Variants in ARHGAP26 observed in about 807,000 individuals in gnomAD.
ARHGAP26 encodes rho GTPase-activating protein 26.
Under a neutral mutation model 104.8 loss-of-function variants are expected in ARHGAP26, and 38 were observed. The ratio of observed to expected loss-of-function variants is 0.36; its 90% CI spans 0.28 to 0.48. The LOEUF is 0.48. ARHGAP26 is among the 20% of genes least tolerant of loss of function. ARHGAP26 has a pLI of 0.99. For synonymous variants in ARHGAP26, 341 were observed against 340.0 expected (o/e 1.00, Z -0.03); for missense variants, 704 against 947.9 (o/e 0.74, Z 3.38).
intron 11 of ARHGAP26, among the ~76,000 whole-genome samples, chr5:142,980,541 A>G (rs1406993701): frequency 6.6e-6 from 1 of 151,918 alleles, no homozygotes; most frequent in African/African-American, 2.4e-5. Context: ...GGTGCCCACC[A>G]CCACACCCAG....
intron 11 of ARHGAP26, among the ~76,000 whole-genome samples, chr5:143,009,835 T>A (rs2152807202): frequency 6.6e-6 from 1 of 152,278 alleles, no homozygotes; most frequent in African/African-American, 2.4e-5. Context: ...GAGCTTAGCT[T>A]CAGTTGGGTT....
intron 1 of ARHGAP26, among the ~76,000 whole-genome samples, chr5:142,836,076 C>T (rs35518380): frequency 0.055 from 8,436 of 152,234 alleles, 308 homozygotes; most frequent in Middle Eastern, 0.12. Context: ...GGAATCTTCA[C>T]GTACATTGAC....
intron 10 of ARHGAP26, among the ~76,000 whole-genome samples, chr5:142,928,020 C>T (rs900549970): frequency 6.6e-6 from 1 of 152,134 alleles, no homozygotes; most frequent in African/African-American, 2.4e-5. Flanking sequence ...TTCTTACTCA[C>T]TTGTAGGCAT....
intron 20 of ARHGAP26, among the ~76,000 whole-genome samples, chr5:143,200,674 T>C (rs1807570141): frequency 6.6e-6 from 1 of 152,234 alleles, no homozygotes; most frequent in Non-Finnish European, 1.5e-5. Flanking sequence ...GTTGTATTTC[T>C]TTTCTTCTTG....
At chr5:142,775,741 A>G (rs1479580527) in intron 1 of ARHGAP26, among the ~76,000 whole-genome samples, 1 of 152,206 alleles carries the variant, frequency 6.6e-6, no homozygotes, top group Non-Finnish European at 1.5e-5. Context: ...TGTCATAAAT[A>G]TCTGGCTTAT....
intron 17 of ARHGAP26, among the ~76,000 whole-genome samples, chr5:143,093,317 G>A (rs994850548): frequency 6.6e-6 from 1 of 152,128 alleles, no homozygotes; most frequent in Non-Finnish European, 1.5e-5. Context: ...AAAGATTTTT[G>A]ATAGGAAGGC....
chr5:142,790,223 G>C (rs563951166), intron 1 of ARHGAP26, among the ~76,000 whole-genome samples: 2 of 152,306 alleles, frequency 1.3e-5, no homozygotes, highest in East Asian at 3.9e-4. Context: ...GGATGGTAGA[G>C]GGTAGAGGCA....
intron 20 of ARHGAP26, among the ~76,000 whole-genome samples, chr5:143,205,790 T>C (rs1460929679): frequency 6.6e-6 from 1 of 152,204 alleles, no homozygotes; most frequent in Admixed American, 6.5e-5. Context: ...TTTGTGGGCT[T>C]GTTGCGTGGG....
intron 11 of ARHGAP26, among the ~76,000 whole-genome samples, chr5:142,938,726 C>T (rs902520185): frequency 3.3e-5 from 5 of 152,176 alleles, no homozygotes; most frequent in African/African-American, 9.7e-5. Flanking sequence ...TCAGGGCTTG[C>T]GTAGCCTCTT....
intron 1 of ARHGAP26, among the ~76,000 whole-genome samples, chr5:142,801,483 G>T (rs1407217963): frequency 6.6e-6 from 1 of 151,954 alleles, no homozygotes; most frequent in South Asian, 2.1e-4. Context: ...GACACTGGAT[G>T]CCCCTTTTTG....
intron 11 of ARHGAP26, among the ~76,000 whole-genome samples, chr5:142,955,124 A>C (rs551248780): frequency 1.6e-3 from 239 of 149,144 alleles, no homozygotes; most frequent in Admixed American, 3.4e-3. Context: ...ACACACACAC[A>C]CCCCCCATCT....
chr5:143,186,377 C>T (rs1048542879), intron 20 of ARHGAP26, among the ~76,000 whole-genome samples: 2 of 152,290 alleles, frequency 1.3e-5, no homozygotes, highest in East Asian at 3.9e-4. Context: ...CCACATGGGG[C>T]TCCTAAGAAG....
At chr5:142,972,108 C>T (rs961113444) in intron 11 of ARHGAP26, among the ~76,000 whole-genome samples, 3 of 151,330 alleles carry the variant, frequency 2.0e-5, no homozygotes, top group South Asian at 2.1e-4. Context: ...CTTGAACCTG[C>T]GAGGCGGAGG....
At chr5:143,125,022 G>T (rs1044199039) in intron 18 of ARHGAP26, among the ~76,000 whole-genome samples, 1 of 152,148 alleles carries the variant, frequency 6.6e-6, no homozygotes, top group East Asian at 1.9e-4. Context: ...GACAATTTCA[G>T]CCCTTAAATG....
chr5:142,899,267 T>G (rs1322791596), intron 6 of ARHGAP26, among the ~76,000 whole-genome samples: 4 of 152,102 alleles, frequency 2.6e-5, no homozygotes, highest in Admixed American at 2.0e-4. Flanking sequence ...TATCTTTTTT[T>G]GGGGGACACA....
intron 20 of ARHGAP26, chr5:143,166,111 C>T: frequency 7.7e-7 from 1 of 1,303,530 alleles, no homozygotes. Context: ...AGAAGGGAGG[C>T]TGCCCTCTGG....
chr5:143,040,265 T>C (rs1319426151), intron 13 of ARHGAP26, among the ~76,000 whole-genome samples: 1 of 152,236 alleles, frequency 6.6e-6, no homozygotes, highest in African/African-American at 2.4e-5. Context: ...TGCAGAATGA[T>C]GTACATGATT....
chr5:143,120,915 A>G, intron 17 of ARHGAP26, 73 bp from the exon 18 acceptor site: 1 of 1,432,962 alleles, frequency 7.0e-7, no homozygotes, highest in Non-Finnish European at 9.4e-7. Context: ...GAAGATAGGA[A>G]GGATACAGGG....
In ARHGAP26 at chr5:143,223,968, C is replaced by T. The variant is rs994921525; in HGVS notation, c.*1522C>T. On this transcript the variant is annotated 3_prime_UTR_variant, in exon 23 of 23. Coordinates refer to ENST00000645722, the MANE Select transcript of ARHGAP26 (RefSeq NM_001135608.3). ...GGGTGACTCTAGACAAACTACAAACCGATGGACCGTCAAGCTCCCCAGGAG... is the reference window on the plus strand; with the variant it reads ...GGGTGACTCTAGACAAACTACAAACTGATGGACCGTCAAGCTCCCCAGGAG... The T allele has an allele frequency of 3.0e-5, 7 of 231,898 alleles. No homozygotes were observed. Among genetic ancestry groups the T allele is most frequent in the African/African-American group, 8.8e-5 (4 of 45,244 alleles). 14.4% of individuals were successfully genotyped at this position (231,898 alleles called of 1,614,324 possible). A position where few individuals can be genotyped will look rare whatever the true frequency, so the allele number is the denominator to read the frequency against.
Sources: allele counts gnomAD v4.1 joint callset (sites outside exome capture counted in the v4.1 genomes callset), GRCh38; gene constraint gnomAD v4.1.1; transcripts MANE v1.5; gene names NCBI Gene and HGNC (gene_info 2026-07-23, HGNC 2026-07-21).